Variants in ZNF385D observed in about 807,000 individuals in gnomAD.
ZNF385D encodes zinc finger protein 385D.
A neutral mutation model predicts 35.8 loss-of-function variants in ZNF385D; 15 were observed. The ratio of observed to expected loss-of-function variants is 0.42; its 90% CI spans 0.28 to 0.64. ZNF385D has a LOEUF of 0.64. ZNF385D is among the 30% of genes least tolerant of loss of function. The pLI, the probability that ZNF385D is intolerant of heterozygous loss-of-function variation, is 0.23. For synonymous variants in ZNF385D, 212 were observed against 186.8 expected (o/e 1.13, Z -1.10); for missense variants, 474 against 494.6 (o/e 0.96, Z 0.39).
At chr3:21,601,359 G>A (rs980847944) in intron 2 of ZNF385D, among the ~76,000 whole-genome samples, 1 of 152,152 alleles carries the variant, frequency 6.6e-6, no homozygotes, top group African/African-American at 2.4e-5. Flanking sequence ...AGCTAATGAG[G>A]CCATTTGTGC....
At chr3:21,905,545 T>C (rs1384447791) in intron 3 of ZNF385D, among the ~76,000 whole-genome samples, 3 of 149,644 alleles carry the variant, frequency 2.0e-5, no homozygotes, top group African/African-American at 7.7e-5. Flanking sequence ...ATCTGGAAGA[T>C]AAAAAATGAA....
intron 2 of ZNF385D, among the ~76,000 whole-genome samples, chr3:22,344,852 G>T (rs1695585939): frequency 6.6e-6 from 1 of 152,126 alleles, no homozygotes. Context: ...TCTATGATTT[G>T]ATTCACCAAC....
chr3:21,826,931 G>C (rs2673545), intron 3 of ZNF385D, among the ~76,000 whole-genome samples: 83,186 of 151,846 alleles, frequency 0.55, 23,374 homozygotes, highest in African/African-American at 0.67. Flanking sequence ...CAAGGTCAAA[G>C]TGCCTGAGGA....
chr3:22,296,703 G>A (rs1024526598), intron 2 of ZNF385D, among the ~76,000 whole-genome samples: 5 of 152,100 alleles, frequency 3.3e-5, no homozygotes, highest in Admixed American at 2.0e-4. Flanking sequence ...TTCTTGAAGA[G>A]AGCATACCTC....
chr3:21,627,823 G>C (rs893717379), intron 2 of ZNF385D, among the ~76,000 whole-genome samples: 1 of 152,070 alleles, frequency 6.6e-6, no homozygotes, highest in Non-Finnish European at 1.5e-5. Flanking sequence ...CACTTATAAG[G>C]AAAGAGGTCT....
In ZNF385D at chr3:21,416,763, G is replaced by C. The variant is rs1420528396; in HGVS notation, c.*4451C>G. 1 of 152,096 alleles carries C rather than the reference G, an allele frequency of 6.6e-6. No homozygotes were observed. Among genetic ancestry groups the C allele is most frequent in the Non-Finnish European group, 1.5e-5 (1 of 68,010 alleles). 9.4% of individuals were successfully genotyped at this position (152,096 alleles called of 1,614,324 possible). A position where few individuals can be genotyped will look rare whatever the true frequency, so the allele number is the denominator to read the frequency against. ...CTGTGGAAGAGATGGTCTTAATAAG[G>C]CAACCATTAGTTAAAATACATGCAA... is the stretch of plus-strand genomic sequence containing the variant. On this transcript the variant is annotated 3_prime_UTR_variant, in exon 8 of 8. Coordinates refer to ENST00000281523, the MANE Select transcript of ZNF385D (RefSeq NM_024697.3).
At chr3:21,920,698 T>TA (rs1256243596) in intron 3 of ZNF385D, among the ~76,000 whole-genome samples, 1 of 150,590 alleles carries the variant, frequency 6.6e-6, no homozygotes, top group Non-Finnish European at 1.5e-5. Flanking sequence ...TGGGGTGAAG[T>TA]AAAGTAAATA....
At chr3:21,652,990 C>T (rs75178697) in intron 2 of ZNF385D, among the ~76,000 whole-genome samples, 2,740 of 152,088 alleles carry the variant, frequency 0.018, 83 homozygotes, top group African/African-American at 0.063. Context: ...TCCAGTGTCA[C>T]TCACTCCTCA....
At chr3:22,135,415 G>C (rs1704045429) in intron 3 of ZNF385D, among the ~76,000 whole-genome samples, 1 of 152,088 alleles carries the variant, frequency 6.6e-6, no homozygotes, top group African/African-American at 2.4e-5. Context: ...ATTTATAATA[G>C]TTTCAAACAC....
chr3:22,072,511 ATACT>A (rs761349865), intron 3 of ZNF385D, among the ~76,000 whole-genome samples: 6 of 152,092 alleles, frequency 3.9e-5, no homozygotes, highest in Non-Finnish European at 8.8e-5. Flanking sequence ...AAGAAGTATT[ATACT>A]TACTAACTTT....
intron 3 of ZNF385D, among the ~76,000 whole-genome samples, chr3:21,990,442 C>G (rs1384450076): frequency 6.6e-6 from 1 of 152,170 alleles, no homozygotes; most frequent in African/African-American, 2.4e-5. Context: ...TTGCCTGTGC[C>G]TTTATCAGGG....
At chr3:21,638,212 G>A (rs371109701) in intron 2 of ZNF385D, among the ~76,000 whole-genome samples, 9 of 152,004 alleles carry the variant, frequency 5.9e-5, no homozygotes, top group African/African-American at 1.9e-4. Context: ...ATACAGTTGA[G>A]ACAGAATTCT....
chr3:21,932,030 G>C (rs551087458), intron 3 of ZNF385D, among the ~76,000 whole-genome samples: 1 of 151,752 alleles, frequency 6.6e-6, no homozygotes, highest in Admixed American at 6.6e-5. Flanking sequence ...AGCCGGGAGC[G>C]GTGGCGGGCA....
intron 1 of ZNF385D, among the ~76,000 whole-genome samples, chr3:21,731,571 G>A (rs1012327640): frequency 6.6e-6 from 1 of 152,158 alleles, no homozygotes; most frequent in Admixed American, 6.5e-5. Flanking sequence ...CATTATGTAG[G>A]TTTGGACAAA....
chr3:22,261,982 A>G (rs1431890057), intron 2 of ZNF385D, among the ~76,000 whole-genome samples: 2 of 152,020 alleles, frequency 1.3e-5, no homozygotes, highest in Non-Finnish European at 2.9e-5. Flanking sequence ...GCTTCTTTAA[A>G]GGAAGCCTGA....
intron 2 of ZNF385D, among the ~76,000 whole-genome samples, chr3:22,272,612 T>C (rs941514091): frequency 6.6e-5 from 10 of 152,036 alleles, no homozygotes; most frequent in Non-Finnish European, 1.5e-4. Context: ...AGACATTATG[T>C]AACACAGTGT....
intron 3 of ZNF385D, among the ~76,000 whole-genome samples, chr3:22,075,444 A>C (rs1035459638): frequency 2.0e-5 from 3 of 151,834 alleles, no homozygotes; most frequent in African/African-American, 7.2e-5. Flanking sequence ...TGAACTTCAT[A>C]TTGCCAGAGC....
chr3:21,914,210 A>G (rs1032438515), intron 3 of ZNF385D, among the ~76,000 whole-genome samples: 1 of 152,124 alleles, frequency 6.6e-6, no homozygotes, highest in Non-Finnish European at 1.5e-5. Flanking sequence ...TAATTCAAGC[A>G]TGACATAATG....
At chr3:21,976,532 A>G (rs1703635063) in intron 3 of ZNF385D, among the ~76,000 whole-genome samples, 4 of 152,186 alleles carry the variant, frequency 2.6e-5, no homozygotes, top group Admixed American at 2.6e-4. Context: ...CTATAACAGG[A>G]AATACACAGA....
Sources: allele counts gnomAD v4.1 joint callset (sites outside exome capture counted in the v4.1 genomes callset), GRCh38; gene constraint gnomAD v4.1.1; transcripts MANE v1.5; gene names NCBI Gene and HGNC (gene_info 2026-07-23, HGNC 2026-07-21).